The following MID1 variants were observed in gnomAD, a reference collection of about 807,000 sequenced individuals.
MID1 encodes the protein midline 1.
MID1 carries 7 observed loss-of-function variants against 40.4 expected under a neutral mutation model. The observed-to-expected ratio is 0.17, with a 90% CI of 0.10 to 0.33. MID1 has a LOEUF of 0.33. MID1 is among the 10% of genes least tolerant of loss of function. MID1 has a pLI of 1.00. For missense variants in MID1, 367 were observed against 558.5 expected, an observed-to-expected ratio of 0.66 and a Z score of 3.46; for synonymous variants, 229 against 221.2, an observed-to-expected ratio of 1.04 and a Z score of -0.31.
At position 10,691,533 on chromosome X, in the gene MID1, T is replaced by A. The variant is rs191211825; in HGVS notation, c.-186-71114A>T. Among the ~76,000 whole-genome samples the A allele has an allele frequency of 7.1e-5, 8 of 112,687 alleles. No individual in the cohort carries two copies. In the East Asian group the frequency reaches 2.2e-3, roughly 31 times the overall value. On this transcript the variant is annotated intron_variant, in intron 1 of 10. Transcript: ENST00000380785. ...TCATGGACATTTATCCCTTCCCCAA[T>A]CAATAGTCTTATAATTTCTTAAGCC...
chrX:10,833,240 C>T (rs1480615544), intron 1 of MID1, among the ~76,000 whole-genome samples: 1 of 111,957 alleles, frequency 8.9e-6, no homozygotes, highest in African/African-American at 3.2e-5. Flanking sequence ...ACAAAGCACC[C>T]CAAGGCTAAT....
At chrX:10,495,821 T>A in intron 3 of MID1, 130 bp from the exon 4 acceptor site, 1 of 526,863 alleles carries the variant, frequency 1.9e-6, no homozygotes, top group Non-Finnish European at 3.3e-6. Flanking sequence ...CTTTGTCCGA[T>A]TACGCAAGGA....
At chrX:10,597,164 G>A (rs1169119120) in intron 1 of MID1, among the ~76,000 whole-genome samples, 1 of 111,208 alleles carries the variant, frequency 9.0e-6, no homozygotes, top group Non-Finnish European at 1.9e-5. Flanking sequence ...CATTCCCAAA[G>A]AGCAAAACAC....
intron 2 of MID1, among the ~76,000 whole-genome samples, chrX:10,562,365 T>C (rs112021130): frequency 0.018 from 1,479 of 82,457 alleles, 233 homozygotes; most frequent in African/African-American, 0.079. Context: ...GTCCCAGAAC[T>C]TAAAGTAAAA....
intron 3 of MID1, among the ~76,000 whole-genome samples, chrX:10,500,905 G>A (rs1931507463): frequency 1.8e-5 from 2 of 112,060 alleles, no homozygotes; most frequent in South Asian, 7.6e-4. Context: ...CGGCAAGAGT[G>A]AGATGAAGAT....
intron 1 of MID1, among the ~76,000 whole-genome samples, chrX:10,766,057 T>C (rs951461617): frequency 4.5e-5 from 5 of 110,644 alleles, no homozygotes; most frequent in Non-Finnish European, 9.5e-5. Flanking sequence ...CCTCTTGCCT[T>C]AGGGTCTGAG....
At chrX:10,522,731 C>T (rs1488483358) in intron 3 of MID1, among the ~76,000 whole-genome samples, 3 of 111,446 alleles carry the variant, frequency 2.7e-5, no homozygotes, top group African/African-American at 9.8e-5. Flanking sequence ...CTCCTGACCT[C>T]GTGATCTGCC....
chrX:10,682,077 G>A (rs1273583637), intron 1 of MID1, among the ~76,000 whole-genome samples: 1 of 110,992 alleles, frequency 9.0e-6, no homozygotes, highest in Non-Finnish European at 1.9e-5. Context: ...AGGTGGAAAT[G>A]GGAGGATCGC....
intron 1 of MID1, among the ~76,000 whole-genome samples, chrX:10,646,874 C>A (rs1936267369): frequency 8.9e-6 from 1 of 111,813 alleles, no homozygotes; most frequent in South Asian, 3.7e-4. Flanking sequence ...CATTTTTCCA[C>A]AGGCCATTTT....
intron 2 of MID1, among the ~76,000 whole-genome samples, chrX:10,560,823 C>CACTTTCCTAGTTG (rs1222910746): frequency 3.7e-5 from 4 of 107,131 alleles, no homozygotes; most frequent in African/African-American, 1.1e-4. Flanking sequence ...TCAATGCTAT[C>CACTTTCCTAGTTG]CCCATCAAGC....
At chrX:10,586,213 A>G (rs1172880865) in intron 1 of MID1, among the ~76,000 whole-genome samples, 2 of 111,905 alleles carry the variant, frequency 1.8e-5, no homozygotes, top group African/African-American at 6.5e-5. Flanking sequence ...ATATACTGGG[A>G]ACAGCCCTCA....
At chrX:10,818,740 GCCAGCATTT>G (rs2044155330) in intron 1 of MID1, among the ~76,000 whole-genome samples, 1 of 112,126 alleles carries the variant, frequency 8.9e-6, no homozygotes, top group African/African-American at 3.2e-5. Flanking sequence ...GATGATATTA[GCCAGCATTT>G]ATTGAGTGCT....
chrX:10,717,324 G>A (rs2043312325), intron 1 of MID1, among the ~76,000 whole-genome samples: 1 of 107,634 alleles, frequency 9.3e-6, no homozygotes, highest in Non-Finnish European at 1.9e-5. Context: ...GATACACATA[G>A]GCTCAAAATA....
chrX:10,465,214 T>C (rs57388919), intron 7 of MID1, among the ~76,000 whole-genome samples: 2,886 of 39,609 alleles, frequency 0.073, 182 homozygotes, highest in African/African-American at 0.18. Context: ...TATATATATA[T>C]ACACACACAC....
intron 4 of MID1, among the ~76,000 whole-genome samples, chrX:10,487,479 T>A (rs1441195200): frequency 8.9e-6 from 1 of 111,991 alleles, no homozygotes; most frequent in African/African-American, 3.2e-5. Flanking sequence ...AACAGCTGAA[T>A]TGAGATAGAA....
At position 10,482,647 on chromosome X, in the gene MID1, G is replaced by T; in HGVS notation, c.865-19C>A. The T allele has an allele frequency of 8.3e-7, 1 of 1,204,351 alleles. No individual in the cohort carries two copies. The highest frequency in any genetic ancestry group is 1.1e-6 in the Non-Finnish European group (1 of 891,494). ...TCATCACCTTGAACAAAAGAGGCAT[G>T]GAGAGAGATGGTTACATGGGTGGTC... is the stretch of plus-strand genomic sequence containing the variant. On this transcript the variant is annotated intron_variant, in intron 4 of 9. Transcript: ENST00000317552.
intron 1 of MID1, among the ~76,000 whole-genome samples, chrX:10,693,670 T>A (rs2043144749): frequency 8.9e-6 from 1 of 111,911 alleles, no homozygotes; most frequent in Non-Finnish European, 1.9e-5. Context: ...ATATTTAAAA[T>A]CTGAATGAAT....
rs368927481 is a variant in MID1 at position 10,566,996 on chromosome X, A to C, written c.552T>G (p.Asn184Lys). Reference sequence around the variant, plus strand: ...ACTGGTCATCGGTCACACAGTACATATTCACCTTCTCATCCTCATGCTCCA... The same window carrying C: ...ACTGGTCATCGGTCACACAGTACATCTTCACCTTCTCATCCTCATGCTCCA... Reference protein sequence around the residue: ...MCLEHEDEKVNMYCVTDDQLI... With the variant: ...MCLEHEDEKVKMYCVTDDQLI... The change falls in exon 2 of 10, where the codon AAT (asparagine) becomes AAG (lysine). Residue 184 changes from asparagine (N) to lysine (K), a missense_variant. Asn to Lys is a moderately conservative substitution (Grantham distance 94, BLOSUM62 0). Around this residue, in one of 3 missense-constraint regions of MID1, gnomAD observed 14 missense variants for 62.8 expected, o/e 0.22. Coordinates refer to ENST00000317552, the MANE Select transcript of MID1 (RefSeq NM_000381.4). 4.1e-6 allele frequency: 5 copies of C among 1,209,897 alleles called. No individual in the cohort carries two copies. The highest frequency in any genetic ancestry group is 5.6e-6 in the Non-Finnish European group (5 of 895,203).
Position 10,683,561 on chromosome X carries a change from AAAAG to A in MID1, c.-186-63146_-186-63143del, listed in dbSNP as rs766757212. 5.5e-5 allele frequency among the ~76,000 whole-genome samples: 6 copies of A among 109,783 alleles called. No homozygotes were observed. In the East Asian group the frequency reaches 1.4e-3, roughly 26 times the overall value. On this transcript the variant is annotated intron_variant, in intron 1 of 10. Coordinates refer to the MID1 transcript ENST00000380785. Reference sequence around the variant, plus strand: ...TGATTAAAAAGAAAAAAGAAAAAGAAAAAGAATGAATCTGGAAGCTACTGTCTTT... The same window carrying A: ...TGATTAAAAAGAAAAAAGAAAAAGAAAATGAATCTGGAAGCTACTGTCTTT...
Sources: gnomAD v4.1 joint callset for allele counts (sites outside exome capture counted in the v4.1 genomes callset) on GRCh38, gnomAD v4.1.1 for gene constraint, gnomAD v4.1.1 regional missense constraint, MANE v1.5 for transcripts, NCBI Gene and HGNC (gene_info 2026-07-23, HGNC 2026-07-21) for gene names.